CHST8: variants seen among roughly 807,000 people sequenced by gnomAD.
CHST8 encodes the protein carbohydrate sulfotransferase 8, also known as GALNAC-4-ST1.
CHST8 carries 10 observed loss-of-function variants against 15.0 expected under a neutral mutation model. That is an observed-to-expected ratio of 0.67 (90% CI 0.41 to 1.13). CHST8 has a LOEUF of 1.13. Ranked by LOEUF, CHST8 falls within the 50% of genes most tolerant of loss-of-function variation. The probability of loss-of-function intolerance (pLI) is 0.00; values close to 1 mark genes in which losing one functional copy is unlikely to be tolerated. For synonymous variants in CHST8, 259 were observed against 256.6 expected (o/e 1.01, Z -0.09); for missense variants, 634 against 608.2 (o/e 1.04, Z -0.45).
intron 3 of CHST8, among the ~76,000 whole-genome samples, chr19:33,758,133 TG>T (rs1974641147): frequency 6.3e-5 from 1 of 15,756 alleles, no homozygotes; most frequent in Non-Finnish European, 1.2e-4. Flanking sequence ...TCTGGTGGGG[TG>T]GGGTGGGGGG....
intron 1 of CHST8, among the ~76,000 whole-genome samples, chr19:33,628,731 C>T (rs1170357073): frequency 6.6e-6 from 1 of 152,198 alleles, no homozygotes; most frequent in Non-Finnish European, 1.5e-5. Context: ...ACCATTCACG[C>T]CATCTGTCTA....
At chr19:33,722,117 A>G (rs546981657) in intron 3 of CHST8, among the ~76,000 whole-genome samples, 23 of 147,790 alleles carry the variant, frequency 1.6e-4, no homozygotes, top group African/African-American at 5.2e-4. Context: ...GGATGAAGGG[A>G]TGGATGGATA....
intron 3 of CHST8, among the ~76,000 whole-genome samples, chr19:33,752,981 T>C (rs189366373): frequency 1.3e-5 from 2 of 152,316 alleles, no homozygotes; most frequent in East Asian, 3.9e-4. Context: ...TCTTCTGACA[T>C]TGGAGATTGC....
chr19:33,735,991 C>T (rs1974075539), intron 3 of CHST8, among the ~76,000 whole-genome samples: 1 of 152,240 alleles, frequency 6.6e-6, no homozygotes, highest in South Asian at 2.1e-4. Flanking sequence ...AGAGACTGCT[C>T]CCTGCTGCAG....
At chr19:33,652,375 T>C (rs1244627072) in intron 1 of CHST8, among the ~76,000 whole-genome samples, 1 of 138,190 alleles carries the variant, frequency 7.2e-6, no homozygotes, top group African/African-American at 3.0e-5. Flanking sequence ...TCTCTCTCTT[T>C]TTTTTTTTTT....
intron 1 of CHST8, among the ~76,000 whole-genome samples, chr19:33,652,651 C>T (rs1972464433): frequency 6.6e-6 from 1 of 152,106 alleles, no homozygotes; most frequent in Admixed American, 6.5e-5. Context: ...GCTGGGATTA[C>T]AGGCATGAGC....
At chr19:33,639,322 G>A (rs1460628863) in intron 1 of CHST8, among the ~76,000 whole-genome samples, 3 of 152,016 alleles carry the variant, frequency 2.0e-5, no homozygotes, top group Non-Finnish European at 4.4e-5. Context: ...TACAGCGCTC[G>A]AGGATGAATT....
intron 3 of CHST8, among the ~76,000 whole-genome samples, chr19:33,736,522 C>T (rs1035127588): frequency 6.6e-6 from 1 of 152,096 alleles, no homozygotes; most frequent in South Asian, 2.1e-4. Context: ...TGGTGTCTGC[C>T]CAAGCTCAGA....
intron 3 of CHST8, among the ~76,000 whole-genome samples, chr19:33,721,961 ATGGATGGATGGATGGCTGTT>A (rs1973803371): frequency 1.3e-5 from 2 of 149,616 alleles, no homozygotes; most frequent in Non-Finnish European, 3.0e-5. Flanking sequence ...GAGTGGGCAG[ATGGATGGATGGATGGCTGTT>A]TGGATGGATG....
rs760320266 is a variant in CHST8, at chr19:33,772,705, T to C, written c.917T>C (p.Val306Ala). 35 of 1,613,100 alleles carry C rather than the reference T, an allele frequency of 2.2e-5. No homozygotes were observed. Among genetic ancestry groups the C allele is most frequent in the Non-Finnish European group, 3.0e-5 (35 of 1,179,924 alleles). Residue 306 changes from valine to alanine, a missense_variant, in exon 5 of 5, where the codon GTG becomes GCG. Physicochemically the swap from Val to Ala is moderately conservative, Grantham distance 64 (BLOSUM62 0). Coordinates refer to ENST00000650847, the MANE Select transcript of CHST8 (RefSeq NM_001127895.2). ...SREALRTGSG[V>A]RFPEFVQYLL... ...GAGGCCCTGCGGACCGGCTCTGGGG[T>C]GCGTTTTCCCGAGTTCGTCCAGTAC...
chr19:33,711,124 G>T (rs113599442), intron 3 of CHST8, among the ~76,000 whole-genome samples: 568 of 152,226 alleles, frequency 3.7e-3, no homozygotes, highest in African/African-American at 0.012. Flanking sequence ...TTCCTGCCTT[G>T]GCCTTTCAGA....
At chr19:33,771,121 G>A (rs1265485488) in intron 3 of CHST8, among the ~76,000 whole-genome samples, 3 of 152,190 alleles carry the variant, frequency 2.0e-5, no homozygotes, top group African/African-American at 7.2e-5. Context: ...GGGCACACCT[G>A]GGCAGGGTGC....
intron 1 of CHST8, among the ~76,000 whole-genome samples, chr19:33,642,047 G>A (rs1387619390): frequency 6.6e-6 from 1 of 152,186 alleles, no homozygotes; most frequent in African/African-American, 2.4e-5. Context: ...GAGGGCCTGG[G>A]GCCTAGTGTC....
chr19:33,725,856 A>G (rs1056202579), intron 3 of CHST8, among the ~76,000 whole-genome samples: 1 of 152,122 alleles, frequency 6.6e-6, no homozygotes, highest in Non-Finnish European at 1.5e-5. Flanking sequence ...CCTGGGCCGG[A>G]GCCTGGCCAC....
chr19:33,689,243 A>T lies in CHST8; in HGVS notation c.-19A>T. The T allele has an allele frequency of 6.5e-7, 1 of 1,546,652 alleles. No homozygotes were observed. The highest frequency in any genetic ancestry group is 8.7e-7 in the Non-Finnish European group (1 of 1,148,228). ...ACGTGCCCCCCACACCCAAGAGGTG[A>T]CCCCTGAGCCAGCCCCGGATGACCC... On this transcript the variant is annotated 5_prime_UTR_variant, in exon 3 of 5. Transcript: ENST00000650847.
chr19:33,675,958 C>T (rs1324264791), intron 2 of CHST8, among the ~76,000 whole-genome samples: 1 of 152,208 alleles, frequency 6.6e-6, no homozygotes, highest in Non-Finnish European at 1.5e-5. Context: ...GCAGGACCAT[C>T]TGCCTTTCCC....
chr19:33,627,778 C>T (rs1972074783), intron 1 of CHST8, among the ~76,000 whole-genome samples: 1 of 152,190 alleles, frequency 6.6e-6, no homozygotes, highest in African/African-American at 2.4e-5. Flanking sequence ...CGCCCTGCCC[C>T]TGCATGTTTA....
chr19:33,645,063 G>A (rs1164676922), intron 1 of CHST8, among the ~76,000 whole-genome samples: 1 of 152,164 alleles, frequency 6.6e-6, no homozygotes. Flanking sequence ...ACACTCTACA[G>A]TCTATAGGAC....
At chr19:33,711,521 T>C (rs548207964) in intron 3 of CHST8, among the ~76,000 whole-genome samples, 1 of 152,352 alleles carries the variant, frequency 6.6e-6, no homozygotes, top group Non-Finnish European at 1.5e-5. Flanking sequence ...CATTGTGTAG[T>C]ATAAATTATT....
Sources: gnomAD v4.1 joint callset for allele counts (sites outside exome capture counted in the v4.1 genomes callset) on GRCh38, gnomAD v4.1.1 for gene constraint, MANE v1.5 for transcripts, NCBI Gene and HGNC (gene_info 2026-07-23, HGNC 2026-07-21) for gene names.